Variants in CYTH3 observed in about 807,000 individuals in gnomAD.
CYTH3 encodes cytohesin-3.
CYTH3 carries 23 observed loss-of-function variants against 55.1 expected under a neutral mutation model. The ratio of observed to expected loss-of-function variants is 0.42; its 90% CI spans 0.30 to 0.59. The LOEUF is 0.59. CYTH3 is among the 20% of genes least tolerant of loss of function. The probability of loss-of-function intolerance (pLI) is 0.20; values close to 1 mark genes in which losing one functional copy is unlikely to be tolerated. For missense variants in CYTH3, 413 were observed against 524.8 expected (o/e 0.79, Z 2.08); for synonymous variants, 249 against 194.9 (o/e 1.28, Z -2.31).
chr7:6,215,606 A>G (rs1483381482), intron 1 of CYTH3, among the ~76,000 whole-genome samples: 1 of 151,734 alleles, frequency 6.6e-6, no homozygotes, highest in Non-Finnish European at 1.5e-5. Flanking sequence ...AAAAAAAAAA[A>G]AGACAAATAA....
Position 6,170,482 on chromosome 7 carries a change from T to C in CYTH3, c.823+53A>G. The C allele has an allele frequency of 6.5e-7, 1 of 1,534,092 alleles. No individual in the cohort carries two copies. The highest frequency in any genetic ancestry group is 8.9e-7 in the Non-Finnish European group (1 of 1,119,040). On this transcript the variant is annotated intron_variant, in intron 9 of 12. Coordinates refer to ENST00000350796, the MANE Select transcript of CYTH3 (RefSeq NM_004227.4). The surrounding 1 kb of genome is among the most constrained non-coding windows in gnomAD (Gnocchi z 7.8). ...TGAGCCTGGGAGGAACCCGAGGGGC[T>C]GCTGCCATGGGCAGAGGGGTCACGC...
intron 5 of CYTH3, among the ~76,000 whole-genome samples, chr7:6,174,769 G>C (rs59966204): frequency 6.6e-6 from 1 of 151,378 alleles, no homozygotes; most frequent in Non-Finnish European, 1.5e-5. Context: ...GGATGGTCTA[G>C]ATCTCCTAAC....
In CYTH3 at chr7:6,174,342, C is replaced by T. The variant is rs865953714; in HGVS notation, c.369-609G>A. 1.5e-4 allele frequency among the ~76,000 whole-genome samples: 23 copies of T among 151,640 alleles called. 1 individual carries two copies. The South Asian group carries it at 1.9e-3, about 12-fold the overall frequency. ...GTTGGTCAGGCTGGTCTCGAACTCC[C>T]GACCTCAGGTGATCCGCCCACCTCA... On this transcript the variant is annotated intron_variant, in intron 5 of 12. Coordinates refer to ENST00000350796, the MANE Select transcript of CYTH3 (RefSeq NM_004227.4).
rs1198170054 is a variant in CYTH3, at chr7:6,170,557, G to A, written c.801C>T (p.Arg267=). 5.0e-6 allele frequency: 8 copies of A among 1,613,872 alleles called. No individual in the cohort carries two copies. The African/African-American group carries it at 6.7e-5, about 13-fold the overall frequency. Residue 267 remains arginine, a synonymous_variant, in exon 9 of 13, where the codon CGC becomes CGT. Transcript: ENST00000350796. This position sits in a 1 kb window ranked among gnomAD's most constrained non-coding sequence, Gnocchi z 7.8. ...CACCCAGCTTCAGGAGCCAGCCCTC[G>A]CGGTCGGGGTTGAAGAAGGTGTGGG... ...DLTHTFFNPD[R]EGWLLKLGGR... is the part of the protein sequence containing the mutation.
intron 1 of CYTH3, among the ~76,000 whole-genome samples, chr7:6,231,508 A>G (rs1316941720): frequency 6.6e-6 from 1 of 152,170 alleles, no homozygotes; most frequent in Non-Finnish European, 1.5e-5. Flanking sequence ...CATCTCCAGG[A>G]CTGCTTTACG....
At chr7:6,191,853 G>T (rs1387506567) in intron 1 of CYTH3, among the ~76,000 whole-genome samples, 1 of 152,140 alleles carries the variant, frequency 6.6e-6, no homozygotes, top group Admixed American at 6.5e-5. Context: ...AAGGTGGGAG[G>T]ATCACTTGAG....
At chr7:6,213,679 C>T (rs1784368924) in intron 1 of CYTH3, among the ~76,000 whole-genome samples, 1 of 152,054 alleles carries the variant, frequency 6.6e-6, no homozygotes, top group African/African-American at 2.4e-5. Context: ...GACTATCTCA[C>T]AGCTTTGGTG....
chr7:6,181,738 T>C (rs1783508644), intron 4 of CYTH3, among the ~76,000 whole-genome samples: 1 of 152,304 alleles, frequency 6.6e-6, no homozygotes, highest in East Asian at 1.9e-4. Flanking sequence ...TGACTTCTAT[T>C]ACATGAAATT....
chr7:6,190,428 G>GTTTTTTTT (rs377416706), intron 2 of CYTH3, 21 bp downstream of exon 2: 47 of 1,266,030 alleles, frequency 3.7e-5, no homozygotes, highest in African/African-American at 7.7e-5. Flanking sequence ...TGGATTTTTG[G>GTTTTTTTT]TTTTTTTTTT....
intron 1 of CYTH3, among the ~76,000 whole-genome samples, chr7:6,272,106 G>A (rs904374812): frequency 1.3e-5 from 2 of 152,200 alleles, no homozygotes; most frequent in Non-Finnish European, 2.9e-5. Flanking sequence ...GCCGGGCTCC[G>A]GAGGGCATGA....
intron 1 of CYTH3, among the ~76,000 whole-genome samples, chr7:6,261,848 C>A (rs1434480045): frequency 6.6e-6 from 1 of 152,034 alleles, no homozygotes; most frequent in Non-Finnish European, 1.5e-5. Flanking sequence ...ACAGGCATAT[C>A]TAGAATCAAG....
intron 1 of CYTH3, among the ~76,000 whole-genome samples, chr7:6,216,958 G>T (rs1448170310): frequency 6.6e-6 from 1 of 150,984 alleles, no homozygotes; most frequent in Non-Finnish European, 1.5e-5. Context: ...TATCACCCAG[G>T]CTGGAGTGCA....
chr7:6,253,352 A>G (rs983927575), intron 1 of CYTH3, among the ~76,000 whole-genome samples: 1 of 151,518 alleles, frequency 6.6e-6, no homozygotes, highest in African/African-American at 2.4e-5. Flanking sequence ...GATTTCAGGT[A>G]TGCAGCACCA....
Position 6,162,285 on chromosome 7 carries a change from C to A in CYTH3, c.*2659G>T, listed in dbSNP as rs1288275746. On this transcript the variant is annotated 3_prime_UTR_variant, in exon 13 of 13. Transcript: ENST00000350796. ...ATATGAACCAGGGCGGCCAGCAAGA[C>A]AGGCTGGAAGGGCTGTGGCAGTCGC... 4 of 152,240 alleles carry A rather than the reference C, an allele frequency of 2.6e-5. No homozygotes were observed. The highest frequency in any genetic ancestry group is 5.9e-5 in the Non-Finnish European group (4 of 68,044). The allele number at this position is 152,240 out of a possible 1,614,324, so 9.4% of individuals were successfully genotyped here.
rs993561756 is a variant in CYTH3, at chr7:6,178,101, ATAC to A, written c.250-163_250-161del. Reference sequence around the variant, plus strand: ...TGCACAATCTGATTTTCCCAAATCCATACTACATTTTATCCACCAAAGAAACGC... The same window carrying A: ...TGCACAATCTGATTTTCCCAAATCCATACATTTTATCCACCAAAGAAACGC... On this transcript the variant is annotated intron_variant, in intron 4 of 12. Transcript: ENST00000350796. 5.3e-5 allele frequency among the ~76,000 whole-genome samples: 8 copies of A among 152,234 alleles called. No individual in the cohort carries two copies. The South Asian group carries it at 6.2e-4, about 12-fold the overall frequency.
intron 1 of CYTH3, among the ~76,000 whole-genome samples, chr7:6,213,283 A>G (rs945239889): frequency 1.3e-5 from 2 of 152,252 alleles, no homozygotes; most frequent in Non-Finnish European, 2.9e-5. Context: ...TAAAAGAGCT[A>G]TTTCATTCAT....
intron 1 of CYTH3, among the ~76,000 whole-genome samples, chr7:6,202,277 C>A (rs1283088845): frequency 1.3e-5 from 2 of 152,166 alleles, no homozygotes; most frequent in Non-Finnish European, 2.9e-5. Context: ...GAGGTCCCAG[C>A]TGCTGCAGCA....
chr7:6,206,280 G>A (rs1213082936), intron 1 of CYTH3, among the ~76,000 whole-genome samples: 1 of 152,214 alleles, frequency 6.6e-6, no homozygotes, highest in African/African-American at 2.4e-5. Flanking sequence ...CCATCAAAAT[G>A]AAGTACTGGC....
intron 1 of CYTH3, among the ~76,000 whole-genome samples, chr7:6,207,094 T>TG (rs1333862637): frequency 7.3e-6 from 1 of 136,410 alleles, no homozygotes; most frequent in Non-Finnish European, 1.6e-5. Context: ...AACTTTTTTT[T>TG]TTTTTTTTTT....
Sources: gnomAD v4.1 joint callset for allele counts (sites outside exome capture counted in the v4.1 genomes callset) on GRCh38, gnomAD v4.1.1 for gene constraint, Gnocchi (gnomAD v3.1) non-coding constraint, MANE v1.5 for transcripts, NCBI Gene and HGNC (gene_info 2026-07-23, HGNC 2026-07-21) for gene names.